Variants in LRRC27 observed in about 807,000 individuals in gnomAD.
LRRC27 encodes leucine-rich repeat-containing protein 27.
In LRRC27, 57 loss-of-function variants were observed where a neutral mutation model predicts 55.0. The observed-to-expected ratio is 1.04, with a 90% CI of 0.84 to 1.29. The LOEUF (loss-of-function observed/expected upper bound fraction) is 1.29. LRRC27 is among the 50% of genes most tolerant of loss of function. The pLI, the probability that LRRC27 is intolerant of heterozygous loss-of-function variation, is 0.00. For synonymous variants in LRRC27, 278 were observed against 251.9 expected (o/e 1.10, Z -0.98); for missense variants, 721 against 651.5 (o/e 1.11, Z -1.16).
intron 8 of LRRC27, among the ~76,000 whole-genome samples, chr10:132,356,923 GC>G (rs2068337150): frequency 6.6e-6 from 1 of 152,252 alleles, no homozygotes; most frequent in Non-Finnish European, 1.5e-5. Context: ...ACTTTGAAAG[GC>G]CACGGATTGC....
chr10:132,354,322 G>A (rs992462140), intron 7 of LRRC27, among the ~76,000 whole-genome samples: 5 of 152,198 alleles, frequency 3.3e-5, no homozygotes, highest in Non-Finnish European at 7.4e-5. Context: ...TATTCTGAGG[G>A]CCCAGACCCG....
chr10:132,335,238 C>G (rs2067057477), intron 2 of LRRC27: 1 of 152,256 alleles, frequency 6.6e-6, no homozygotes, highest in African/African-American at 2.4e-5. Context: ...CCATTTATCC[C>G]CTGGTGCGCA....
At position 132,381,157 on chromosome 10, in the gene LRRC27, G is replaced by T. The variant is rs189709524; in HGVS notation, c.*5915G>T. On this transcript the variant is annotated 3_prime_UTR_variant, in exon 11 of 11. Transcript: ENST00000368614. The stretch of plus-strand genomic sequence containing the variant: ...AGTGTGGGCAGGCACCATCCAGTCG[G>T]CTGCCAGCATGGCTGGAAAAAGCAG... Among the ~76,000 whole-genome samples the T allele has an allele frequency of 1.7e-3, 256 of 152,358 alleles. 1 individual carries two copies. Among genetic ancestry groups the T allele is most frequent in the African/African-American group, 6.0e-3 (249 of 41,582 alleles).
chr10:132,365,079 C>T (rs2068999268), intron 9 of LRRC27, among the ~76,000 whole-genome samples: 2 of 152,278 alleles, frequency 1.3e-5, no homozygotes, highest in Admixed American at 1.3e-4. Context: ...GGAACAGAAA[C>T]CTGCTTTTCC....
At chr10:132,361,618 C>T in intron 9 of LRRC27, 43 bp downstream of exon 9, 3 of 1,387,980 alleles carry the variant, frequency 2.2e-6, no homozygotes, top group Non-Finnish European at 3.1e-6. Flanking sequence ...AGGGCTCAGC[C>T]AGCCACCCAC....
At chr10:132,353,848 G>A (rs2068182554) in intron 7 of LRRC27, among the ~76,000 whole-genome samples, 2 of 152,228 alleles carry the variant, frequency 1.3e-5, no homozygotes, top group South Asian at 4.1e-4. Context: ...CGCCTGTCAA[G>A]CATGCCAGCT....
intron 5 of LRRC27, among the ~76,000 whole-genome samples, chr10:132,346,364 T>G (rs1196900368): frequency 6.6e-6 from 1 of 152,186 alleles, no homozygotes; most frequent in Non-Finnish European, 1.5e-5. Flanking sequence ...TTTAGTACTT[T>G]GTCCTTTCAA....
chr10:132,330,419 C>A, upstream of LRRC27: 1 of 717,210 alleles, frequency 1.4e-6, no homozygotes, highest in East Asian at 2.7e-5. Flanking sequence ...CTCATTCTCT[C>A]CTTGCTCTGC....
At chr10:132,334,592 T>A (rs552876571) in intron 2 of LRRC27, among the ~76,000 whole-genome samples, 2 of 152,344 alleles carry the variant, frequency 1.3e-5, no homozygotes, top group South Asian at 4.1e-4. Context: ...AGATTTTTAG[T>A]GGCTGCTTAA....
At chr10:132,358,240 GAGGGAC>G (rs1362673741) in intron 8 of LRRC27, among the ~76,000 whole-genome samples, 26 of 152,380 alleles carry the variant, frequency 1.7e-4, no homozygotes, top group African/African-American at 6.3e-4. Flanking sequence ...CTCAGCCTGT[GAGGGAC>G]ACGTAGGGTG....
chr10:132,371,082 A>G (rs2069201813), intron 10 of LRRC27, among the ~76,000 whole-genome samples: 1 of 152,274 alleles, frequency 6.6e-6, no homozygotes, highest in Admixed American at 6.5e-5. Flanking sequence ...GAACCATCTA[A>G]GTTCACACTG....
chr10:132,355,887 G>A lies in LRRC27; in HGVS notation c.1170+1G>A. 2.6e-6 allele frequency: 4 copies of A among 1,550,938 alleles called. No individual in the cohort carries two copies. The highest frequency in any genetic ancestry group is 3.5e-6 in the Non-Finnish European group (4 of 1,146,252). ...ACTCCTGCCTCCGCGGAGGAGCATG[G>A]TACGGCACGCGCGGGCGGTGACCGG... On this transcript the variant is annotated splice_donor_variant, in intron 8 of 10. Transcript: ENST00000368614. LOFTEE classifies it high-confidence loss of function.
At chr10:132,364,386 C>CATCT (rs1564853029) in intron 9 of LRRC27, among the ~76,000 whole-genome samples, 10 of 95,026 alleles carry the variant, frequency 1.1e-4, no homozygotes, top group African/African-American at 3.2e-4. Flanking sequence ...CCCACACTTA[C>CATCT]ACCCACCCTT....
intron 8 of LRRC27, among the ~76,000 whole-genome samples, chr10:132,356,294 C>G (rs1052534909): frequency 6.6e-6 from 1 of 152,250 alleles, no homozygotes; most frequent in Non-Finnish European, 1.5e-5. Context: ...CTACAGAGGT[C>G]TTTCTGGGCT....
At position 132,342,244 on chromosome 10, in the gene LRRC27, C is replaced by G; in HGVS notation, c.373C>G (p.Pro125Ala). Residue 125 changes from proline to alanine, a missense_variant, in exon 4 of 11, where the codon CCT becomes GCT. Physicochemically the swap from Pro to Ala is conservative, Grantham distance 27 (BLOSUM62 -1). Coordinates refer to ENST00000368614, the MANE Select transcript of LRRC27 (RefSeq NM_030626.3). Reference protein sequence around the residue: ...HLKTLLLERNPIKMLPVELGS... With the variant: ...HLKTLLLERNAIKMLPVELGS... ...GAAAACTTTGCTTTTAGAAAGAAATCCTATCAAAATGTTACCTGTGGAGCT... is the reference window on the plus strand; with the variant it reads ...GAAAACTTTGCTTTTAGAAAGAAATGCTATCAAAATGTTACCTGTGGAGCT... 6.4e-7 allele frequency: 1 copy of G among 1,553,516 alleles called. No individual in the cohort carries two copies. The highest frequency in any genetic ancestry group is 8.7e-7 in the Non-Finnish European group (1 of 1,148,254).
At chr10:132,352,129 AGGCC>A (rs2068059403) in intron 7 of LRRC27, among the ~76,000 whole-genome samples, 1 of 71,360 alleles carries the variant, frequency 1.4e-5, no homozygotes. Context: ...GCAGGCGCTG[AGGCC>A]TCCGTGTGGG....
At chr10:132,352,913 C>T in intron 7 of LRRC27, 1 of 1,613,934 alleles carries the variant, frequency 6.2e-7, no homozygotes, top group Non-Finnish European at 8.5e-7. Flanking sequence ...TAGAGTATTC[C>T]AGGCCCTGAC....
intron 6 of LRRC27, 135 bp from the exon 7 acceptor site, chr10:132,351,472 C>T: frequency 1.0e-6 from 1 of 969,600 alleles, no homozygotes; most frequent in Non-Finnish European, 1.6e-6. Flanking sequence ...TCTGGGGTGA[C>T]TGCAGCTTCT....
chr10:132,353,776 G>T (rs554972076), intron 7 of LRRC27, among the ~76,000 whole-genome samples: 1 of 152,130 alleles, frequency 6.6e-6, no homozygotes, highest in Non-Finnish European at 1.5e-5. Flanking sequence ...ACTGTCCCTC[G>T]GGGTAGCTCT....
Sources: gnomAD v4.1 joint callset for allele counts (sites outside exome capture counted in the v4.1 genomes callset) on GRCh38, gnomAD v4.1.1 for gene constraint, MANE v1.5 for transcripts, NCBI Gene and HGNC (gene_info 2026-07-23, HGNC 2026-07-21) for gene names.